The following PKHD1L1 variants were observed in gnomAD, a reference collection of about 807,000 sequenced individuals.
The protein encoded by PKHD1L1 is fibrocystin-L.
A neutral mutation model predicts 462.9 loss-of-function variants in PKHD1L1; 434 were observed. The ratio of observed to expected loss-of-function variants is 0.94; its 90% CI spans 0.87 to 1.02. The LOEUF (loss-of-function observed/expected upper bound fraction) is 1.02, where lower values mean the gene tolerates loss of function less well. PKHD1L1 is among the 50% of genes least tolerant of loss of function. The probability of loss-of-function intolerance (pLI) is 0.00; values close to 1 mark genes in which losing one functional copy is unlikely to be tolerated. For missense variants in PKHD1L1, 5,202 were observed against 5,096.1 expected (o/e 1.02, Z -0.63); for synonymous variants, 1,781 against 1,750.0 (o/e 1.02, Z -0.44).
chr8:109,481,550 G>T lies in PKHD1L1; in HGVS notation c.9445G>T (p.Ala3149Ser). Residue 3149 changes from alanine (A) to serine (S), a missense_variant, in exon 56 of 78, where the codon GCA becomes TCA. Around this residue, in one of 3 missense-constraint regions of PKHD1L1, gnomAD observed 4,497 missense variants for 4,336.8 expected, o/e 1.04. Transcript: ENST00000378402. Reference sequence around the variant, plus strand: ...TCTTCCAGAAGGACCAAATCAAGGGGCAAAGGTCTTAGGTGTGTGTCTACA... The same window carrying T: ...TCTTCCAGAAGGACCAAATCAAGGGTCAAAGGTCTTAGGTGTGTGTCTACA... ...WALPEGPNQG[A>S]KVLGVFGELD... is the part of the protein sequence containing the mutation. The T allele has an allele frequency of 1.3e-6, 2 of 1,592,160 alleles. No individual in the cohort carries two copies. Among genetic ancestry groups the T allele is most frequent in the South Asian group, 2.3e-5 (2 of 86,990 alleles).
chr8:109,441,302 C>T lies in PKHD1L1; in HGVS notation c.4127C>T (p.Ser1376Leu), dbSNP rs767855982. ...TCCATCCCTTGCAATGTTACATCAT[C>T]ATCAGAAAATGTCATAAAATGTATT... ...LGSIPCNVTS[S>L]SENVIKCILH... The change falls in exon 34 of 78, where the codon TCA (serine) becomes TTA (leucine). Residue 1376 changes from serine (S) to leucine (L), a missense_variant. By Grantham distance (145) the Ser-to-Leu change is moderately radical. This residue lies in a region of PKHD1L1 where 4,497 missense variants were observed against 4,336.8 expected (regional missense o/e 1.04). Coordinates refer to ENST00000378402, the MANE Select transcript of PKHD1L1 (RefSeq NM_177531.6). The T allele has an allele frequency of 2.1e-5, 33 of 1,583,962 alleles. No homozygotes were observed. The South Asian group carries it at 3.7e-4, about 18-fold the overall frequency.
rs565902237 is a variant in PKHD1L1 at position 109,500,092 on chromosome 8, C to T, written c.10828+1321C>T. Among the ~76,000 whole-genome samples the T allele has an allele frequency of 4.6e-5, 7 of 152,282 alleles. No homozygotes were observed. In the East Asian group the frequency reaches 1.2e-3, roughly 25 times the overall value. On this transcript the variant is annotated intron_variant, in intron 67 of 77. Transcript: ENST00000378402. Reference sequence around the variant, plus strand: ...AGAGATGAGAGATGGGTGTACCAGCCTGTATCCACTTTAGTCCTCTCTTGG... The same window carrying T: ...AGAGATGAGAGATGGGTGTACCAGCTTGTATCCACTTTAGTCCTCTCTTGG...
At chr8:109,368,132 A>T (rs950886007) in intron 2 of PKHD1L1, among the ~76,000 whole-genome samples, 1 of 152,158 alleles carries the variant, frequency 6.6e-6, no homozygotes, top group African/African-American at 2.4e-5. Flanking sequence ...GTATTTCTCA[A>T]TTGTTTTCTT....
At chr8:109,514,971 A>G (rs914789260) in intron 71 of PKHD1L1, among the ~76,000 whole-genome samples, 199 bp from the exon 72 acceptor site, 11 of 152,128 alleles carry the variant, frequency 7.2e-5, no homozygotes, top group Admixed American at 5.2e-4. Flanking sequence ...AGAATAGTCA[A>G]TTAAGGGTTA....
chr8:109,483,781 G>GA lies in PKHD1L1; in HGVS notation c.9576+677dup, dbSNP rs1256618844. 2.2e-4 allele frequency among the ~76,000 whole-genome samples: 34 copies of GA among 151,376 alleles called. No individual in the cohort carries two copies. The Admixed American group carries it at 2.2e-3, about 10-fold the overall frequency. On this transcript the variant is annotated intron_variant, in intron 57 of 77. Coordinates refer to ENST00000378402, the MANE Select transcript of PKHD1L1 (RefSeq NM_177531.6). ...GGTTACCTCTTCACTTCTAATTTAT[G>GA]ATTTTACATGTTAAGAATTTGAAAA...
At chr8:109,407,077 C>G (rs553898264) in intron 17 of PKHD1L1, among the ~76,000 whole-genome samples, 1 of 152,216 alleles carries the variant, frequency 6.6e-6, no homozygotes, top group South Asian at 2.1e-4. Flanking sequence ...AGACATTCTG[C>G]CTTCAAGTCA....
intron 12 of PKHD1L1, among the ~76,000 whole-genome samples, chr8:109,398,758 C>A (rs760628322): frequency 6.6e-6 from 1 of 151,974 alleles, no homozygotes; most frequent in Non-Finnish European, 1.5e-5. Flanking sequence ...AAAAACCCAG[C>A]CTAAATTATC....
chr8:109,412,431 G>T lies in PKHD1L1; in HGVS notation c.2235+17G>T. The stretch of plus-strand genomic sequence containing the variant: ...TATAATCAGGTAAGCTCAACAAAAT[G>T]ATATGCTAATTGAATCTGGAAAATA... On this transcript the variant is annotated intron_variant, in intron 20 of 77. Transcript: ENST00000378402. The T allele has an allele frequency of 1.3e-6, 2 of 1,579,582 alleles. No individual in the cohort carries two copies. Among genetic ancestry groups the T allele is most frequent in the Non-Finnish European group, 1.7e-6 (2 of 1,161,854 alleles).
chr8:109,499,326 G>A (rs73704044), intron 67 of PKHD1L1: 7,361 of 152,288 alleles, frequency 0.048, 427 homozygotes, highest in African/African-American at 0.14. Flanking sequence ...CTGTTTTAAT[G>A]GAGCAAGTGT....
Position 109,464,387 on chromosome 8 carries a change from T to C in PKHD1L1, c.7555T>C (p.Tyr2519His). The change falls in exon 49 of 78, where the codon TAT (tyrosine) becomes CAT (histidine). Residue 2519 changes from tyrosine to histidine, a missense_variant. This residue lies in a region of PKHD1L1 where 4,497 missense variants were observed against 4,336.8 expected (regional missense o/e 1.04). Transcript: ENST00000378402. The part of the protein sequence containing the change: ...HHLLVERNII[Y>H]DIKGGAFFIE... ...TCTTCTGGTTGAGAGGAATATTATA[T>C]ATGATATTAAGGGAGGAGCATTTTT... 6 of 1,613,406 alleles carry C rather than the reference T, an allele frequency of 3.7e-6. No individual in the cohort carries two copies. The highest frequency in any genetic ancestry group is 5.1e-6 in the Non-Finnish European group (6 of 1,179,622).
Position 109,530,445 on chromosome 8 carries a change from C to A in PKHD1L1, c.*355C>A. The A allele has an allele frequency of 6.4e-6, 1 of 155,828 alleles. No homozygotes were observed. The highest frequency in any genetic ancestry group is 1.4e-5 in the Non-Finnish European group (1 of 71,526). The allele number at this position is 155,828 out of a possible 1,614,324, so 9.7% of individuals were successfully genotyped here. On this transcript the variant is annotated 3_prime_UTR_variant, in exon 78 of 78. Transcript: ENST00000378402. Reference sequence around the variant, plus strand: ...TAAGCTCTTTACATCAGATTGGAAGCATTTTAAGTATTCTTTTTAATACTT... The same window carrying A: ...TAAGCTCTTTACATCAGATTGGAAGAATTTTAAGTATTCTTTTTAATACTT...
intron 76 of PKHD1L1, among the ~76,000 whole-genome samples, chr8:109,524,723 G>T (rs1783172): frequency 0.24 from 35,904 of 151,708 alleles, 4,935 homozygotes; most frequent in African/African-American, 0.34. Flanking sequence ...CCTTGGGAGG[G>T]TCTGTCTTAC....
intron 57 of PKHD1L1, among the ~76,000 whole-genome samples, 160 bp downstream of exon 57, chr8:109,483,265 C>T (rs995378815): frequency 6.6e-6 from 1 of 151,390 alleles, no homozygotes; most frequent in Non-Finnish European, 1.5e-5. Flanking sequence ...CGATAGGAGG[C>T]ATTTAAAAAT....
Position 109,381,352 on chromosome 8 carries a change from GTCT to G in PKHD1L1, c.164-13_164-11del. ...ATAGAATACCATTAATAATAATTAA[GTCT>G]TCTTACTTTTCCAGGTTTTTCTCAA... On this transcript the variant is annotated splice_polypyrimidine_tract_variant and intron_variant, in intron 2 of 77. Transcript: ENST00000378402. 1 of 1,545,016 alleles carries G rather than the reference GTCT, an allele frequency of 6.5e-7. No homozygotes were observed. Among genetic ancestry groups the G allele is most frequent in the Non-Finnish European group, 8.8e-7 (1 of 1,139,842 alleles).
At chr8:109,493,544 C>T in intron 62 of PKHD1L1, 117 bp from the exon 63 acceptor site, 1 of 512,604 alleles carries the variant, frequency 2.0e-6, no homozygotes, top group Non-Finnish European at 3.2e-6. Flanking sequence ...AATTTTCCTC[C>T]TGAAAATGTA....
intron 25 of PKHD1L1, 134 bp downstream of exon 25, chr8:109,427,290 G>T: frequency 1.4e-6 from 1 of 712,136 alleles, no homozygotes; most frequent in East Asian, 2.8e-5. Flanking sequence ...TTCTTTAAAA[G>T]GAAGTTAAGG....
At chr8:109,417,440 C>T (rs1814237466) in intron 21 of PKHD1L1, among the ~76,000 whole-genome samples, 1 of 152,002 alleles carries the variant, frequency 6.6e-6, no homozygotes, top group Non-Finnish European at 1.5e-5. Flanking sequence ...TTTTCTTTAC[C>T]CTAAATGTTG....
At chr8:109,411,776 C>T (rs1396045014) in intron 19 of PKHD1L1, among the ~76,000 whole-genome samples, 3 of 152,142 alleles carry the variant, frequency 2.0e-5, no homozygotes, top group Non-Finnish European at 4.4e-5. Context: ...AGACTTAACT[C>T]ATTTGTCACT....
chr8:109,405,552 G>T (rs1403077328), intron 16 of PKHD1L1, among the ~76,000 whole-genome samples: 1 of 152,052 alleles, frequency 6.6e-6, no homozygotes, highest in Non-Finnish European at 1.5e-5. Flanking sequence ...CATGGATGGA[G>T]CTTAAAGCCA....
Sources: allele counts gnomAD v4.1 joint callset (sites outside exome capture counted in the v4.1 genomes callset), GRCh38; gene constraint gnomAD v4.1.1; regional missense constraint gnomAD v4.1.1; transcripts MANE v1.5; gene names NCBI Gene and HGNC (gene_info 2026-07-23, HGNC 2026-07-21).